The following TOP1 variants were observed in gnomAD, a reference collection of about 807,000 sequenced individuals.
TOP1 encodes the protein DNA topoisomerase 1.
Under a neutral mutation model 111.1 loss-of-function variants are expected in TOP1, and 10 were observed. The observed-to-expected ratio is 0.09, with a 90% CI of 0.06 to 0.15. TOP1 has a LOEUF of 0.15. TOP1 is among the 10% of genes least tolerant of loss of function. The pLI is 1.00. For synonymous variants in TOP1, 271 were observed against 302.9 expected, an observed-to-expected ratio of 0.89 and a Z score of 1.10; for missense variants, 474 against 926.7, an observed-to-expected ratio of 0.51 and a Z score of 6.34.
chr20:41,095,949 C>T lies in TOP1; in HGVS notation c.731-1271C>T, dbSNP rs755797079. On this transcript the variant is annotated intron_variant, in intron 9 of 20. Coordinates refer to ENST00000361337, the MANE Select transcript of TOP1 (RefSeq NM_003286.4). The surrounding 1 kb of genome is among the most constrained non-coding windows in gnomAD (Gnocchi z 4.6). ...TTTGTTTGAAAAGTGGATTAAATTC[C>T]CAAGTACTTTTCTTTCATTGCTTTA... Among the ~76,000 whole-genome samples, 4 of 152,134 alleles carry T rather than the reference C, an allele frequency of 2.6e-5. No homozygotes were observed. Among genetic ancestry groups the T allele is most frequent in the Admixed American group, 6.6e-5 (1 of 15,264 alleles).
At chr20:41,085,274 A>T (rs1449920507) in intron 8 of TOP1, among the ~76,000 whole-genome samples, 1 of 152,228 alleles carries the variant, frequency 6.6e-6, no homozygotes, top group African/African-American at 2.4e-5. Context: ...AAGATGCAAA[A>T]AAAATGATAA....
rs531397706 is a variant in TOP1 at position 41,029,866 on chromosome 20, C to T, written c.58+411C>T. 40 of 234,336 alleles carry T rather than the reference C, an allele frequency of 1.7e-4. 1 individual carries two copies. The highest frequency in any genetic ancestry group is 8.8e-4 in the African/African-American group (38 of 43,272). 14.5% of individuals were successfully genotyped at this position (234,336 alleles called of 1,614,324 possible). ...CCTTGAGCTGCCCAGAATGAGCTTTCTGCAGAGCAAAGCCGTATAAATCAC... is the reference window on the plus strand; with the variant it reads ...CCTTGAGCTGCCCAGAATGAGCTTTTTGCAGAGCAAAGCCGTATAAATCAC... On this transcript the variant is annotated intron_variant, in intron 2 of 20. Transcript: ENST00000361337. The surrounding 1 kb of genome is among the most constrained non-coding windows in gnomAD (Gnocchi z 6.1).
At chr20:41,049,833 G>T (rs2033380940) in intron 2 of TOP1, among the ~76,000 whole-genome samples, 1 of 152,122 alleles carries the variant, frequency 6.6e-6, no homozygotes, top group Non-Finnish European at 1.5e-5. Flanking sequence ...CTTAGCTAGA[G>T]ATTTTTTTTT....
chr20:41,086,542 C>T (rs76629761), intron 8 of TOP1, among the ~76,000 whole-genome samples: 5,101 of 152,260 alleles, frequency 0.034, 135 homozygotes, highest in Middle Eastern at 0.11. Context: ...CCCTTTACTT[C>T]GGAGCTTTGG....
chr20:41,041,348 G>T (rs996820217), intron 2 of TOP1, among the ~76,000 whole-genome samples: 1 of 150,818 alleles, frequency 6.6e-6, no homozygotes, highest in African/African-American at 2.4e-5. Flanking sequence ...TACTTGGGAG[G>T]CTGAGGAAGG....
intron 2 of TOP1, among the ~76,000 whole-genome samples, chr20:41,049,818 A>G (rs1037696569): frequency 6.6e-6 from 1 of 152,230 alleles, no homozygotes; most frequent in Non-Finnish European, 1.5e-5. Flanking sequence ...CTTGTCTGCC[A>G]TCTTCTTAGC....
At chr20:41,086,355 T>G (rs926215104) in intron 8 of TOP1, among the ~76,000 whole-genome samples, 3 of 152,252 alleles carry the variant, frequency 2.0e-5, no homozygotes, top group African/African-American at 7.2e-5. Flanking sequence ...TCAGTGATCT[T>G]GACCTTTAAG....
At position 41,121,914 on chromosome 20, in the gene TOP1, G is replaced by A. The variant is rs1036806791; in HGVS notation, c.2046-92G>A. 1.1e-5 allele frequency: 17 copies of A among 1,566,050 alleles called. No homozygotes were observed. The highest frequency in any genetic ancestry group is 4.1e-5 in the African/African-American group (3 of 72,820). The stretch of plus-strand genomic sequence containing the variant: ...ATGTCTTTTGGAAATCTCTATACTA[G>A]GGCTTTTATTGACTCAAAGTGGCAG... On this transcript the variant is annotated intron_variant, in intron 19 of 20. Coordinates refer to ENST00000361337, the MANE Select transcript of TOP1 (RefSeq NM_003286.4). This position sits in a 1 kb window ranked among gnomAD's most constrained non-coding sequence, Gnocchi z 4.2.
chr20:41,052,458 T>C (rs2033417477), intron 2 of TOP1, among the ~76,000 whole-genome samples: 1 of 152,252 alleles, frequency 6.6e-6, no homozygotes, highest in Non-Finnish European at 1.5e-5. Flanking sequence ...ATATGCCTGA[T>C]GTGACATTGA....
chr20:41,085,031 T>C (rs1039526011), intron 8 of TOP1, among the ~76,000 whole-genome samples: 2 of 151,598 alleles, frequency 1.3e-5, no homozygotes, highest in African/African-American at 4.9e-5. Context: ...GTGTTTTACA[T>C]TTGATACATC....
At position 41,039,206 on chromosome 20, in the gene TOP1, A is replaced by G. The variant is rs148050960; in HGVS notation, c.58+9751A>G. ...ATGAACAAGACAAACCCACATGCCT[A>G]TCAGGATGAACTTTGAAATTAGTAC... On this transcript the variant is annotated intron_variant, in intron 2 of 20. Transcript: ENST00000361337. Among the ~76,000 whole-genome samples, 955 of 152,332 alleles carry G rather than the reference A, an allele frequency of 6.3e-3. 6 individuals are homozygous for G. The highest frequency in any genetic ancestry group is 9.2e-3 in the Non-Finnish European group (625 of 68,034).
chr20:41,041,517 G>C (rs1489273485), intron 2 of TOP1, among the ~76,000 whole-genome samples: 1 of 151,358 alleles, frequency 6.6e-6, no homozygotes, highest in East Asian at 1.9e-4. Flanking sequence ...AAATGTTTCA[G>C]TTGTGAAGTG....
rs181340471 is a variant in TOP1, at chr20:41,082,837, G to T, written c.507+1597G>T. Among the ~76,000 whole-genome samples the T allele has an allele frequency of 6.7e-6, 1 of 149,672 alleles. No homozygotes were observed. Among genetic ancestry groups the T allele is most frequent in the Non-Finnish European group, 1.5e-5 (1 of 67,360 alleles). On this transcript the variant is annotated intron_variant, in intron 7 of 20. Coordinates refer to ENST00000361337, the MANE Select transcript of TOP1 (RefSeq NM_003286.4). The surrounding 1 kb of genome is among the most constrained non-coding windows in gnomAD (Gnocchi z 4.1). ...AATATAAAACTTGAGTTCTCCAAGT[G>T]TTTTTTTTTTATGTTTATATTGCAT...
chr20:41,060,701 A>G (rs980904715), intron 2 of TOP1, among the ~76,000 whole-genome samples: 1 of 152,188 alleles, frequency 6.6e-6, no homozygotes, highest in Non-Finnish European at 1.5e-5. Flanking sequence ...AAATTTGCAG[A>G]TGTTCAAGTT....
At chr20:41,088,839 T>G in intron 8 of TOP1, among the ~76,000 whole-genome samples, 1 of 152,094 alleles carries the variant, frequency 6.6e-6, no homozygotes, top group Admixed American at 6.5e-5. Context: ...TATTTTTGTT[T>G]AAATTGTGTA....
In TOP1 at chr20:41,031,230, G is replaced by GGAT. The variant is rs1429326618; in HGVS notation, c.58+1775_58+1776insGAT. ...CTGCAGTTTAGAAAGCCACAGTATA[G>GGAT]ACATGTTTCTTTGGGATACAGGAGC... On this transcript the variant is annotated intron_variant, in intron 2 of 20. Transcript: ENST00000361337. Among the ~76,000 whole-genome samples, 4 of 152,314 alleles carry GGAT rather than the reference G, an allele frequency of 2.6e-5. No homozygotes were observed. In the East Asian group the frequency reaches 5.8e-4, roughly 22 times the overall value.
At chr20:41,031,271 A>T (rs932214372) in intron 2 of TOP1, among the ~76,000 whole-genome samples, 3 of 152,254 alleles carry the variant, frequency 2.0e-5, no homozygotes, top group African/African-American at 7.2e-5. Flanking sequence ...AAGGATGTGC[A>T]GGTGAGGATG....
Position 41,085,369 on chromosome 20 carries a change from G to A in TOP1, c.614+801G>A, listed in dbSNP as rs1234697434. Among the ~76,000 whole-genome samples the A allele has an allele frequency of 5.3e-5, 8 of 152,302 alleles. 1 individual carries two copies. Among genetic ancestry groups the A allele is most frequent in the Middle Eastern group, 6.8e-3 (2 of 294 alleles). On this transcript the variant is annotated intron_variant, in intron 8 of 20. Transcript: ENST00000361337. ...TGCAAATGTAAGAAAACAGGCATTC[G>A]CCTTCCCTATAGGAGTGAAAATTCA...
intron 3 of TOP1, among the ~76,000 whole-genome samples, chr20:41,075,573 A>G (rs1194655425): frequency 6.6e-6 from 1 of 152,224 alleles, no homozygotes; most frequent in African/African-American, 2.4e-5. Flanking sequence ...CTCTTGCCTT[A>G]TAATGTCATA....
Sources: gnomAD v4.1 joint callset for allele counts (sites outside exome capture counted in the v4.1 genomes callset) on GRCh38, gnomAD v4.1.1 for gene constraint, Gnocchi (gnomAD v3.1) non-coding constraint, MANE v1.5 for transcripts, NCBI Gene and HGNC (gene_info 2026-07-23, HGNC 2026-07-21) for gene names.